The following GALNT13 variants were observed in gnomAD, a reference collection of about 807,000 sequenced individuals.
GALNT13 encodes the protein polypeptide N-acetylgalactosaminyltransferase 13.
Under a neutral mutation model 64.2 loss-of-function variants are expected in GALNT13, and 28 were observed. The ratio of observed to expected loss-of-function variants is 0.44; its 90% CI spans 0.32 to 0.60. GALNT13 has a LOEUF of 0.60. Ranked by LOEUF, GALNT13 falls within the 20% of genes least tolerant of loss-of-function variation. The pLI, the probability that GALNT13 is intolerant of heterozygous loss-of-function variation, is 0.05. For missense variants in GALNT13, 577 were observed against 669.8 expected (o/e 0.86, Z 1.53); for synonymous variants, 214 against 224.6 (o/e 0.95, Z 0.42).
At chr2:154,051,283 T>C (rs1429063354) in intron 3 of GALNT13, among the ~76,000 whole-genome samples, 2 of 142,040 alleles carry the variant, frequency 1.4e-5, no homozygotes, top group Non-Finnish European at 3.1e-5. Flanking sequence ...CTCCTTCTTT[T>C]TTTTTTTTTT....
chr2:154,095,311 T>A (rs1457559406), intron 3 of GALNT13, among the ~76,000 whole-genome samples: 2 of 151,978 alleles, frequency 1.3e-5, no homozygotes, highest in East Asian at 3.9e-4. Flanking sequence ...TTATTAGATC[T>A]GCTACTAGAT....
chr2:153,215,700 G>A, the GALNT13 span, among the ~76,000 whole-genome samples: 5 of 151,454 alleles, frequency 3.3e-5, no homozygotes, highest in Non-Finnish European at 2.9e-5. Context: ...TTCTGTTGGT[G>A]TGAATTTCTA....
chr2:153,518,089 C>T, the GALNT13 span, among the ~76,000 whole-genome samples: 5 of 152,100 alleles, frequency 3.3e-5, 1 homozygote, highest in African/African-American at 1.2e-4. Flanking sequence ...TTTTCTTCTT[C>T]CTGGATATAC....
At chr2:153,571,596 G>A in the GALNT13 span, among the ~76,000 whole-genome samples, 74 of 152,014 alleles carry the variant, frequency 4.9e-4, 1 homozygote, top group African/African-American at 1.8e-3. Flanking sequence ...GCCATATATA[G>A]CTTTTATCAT....
At chr2:153,551,052 C>CA in the GALNT13 span, among the ~76,000 whole-genome samples, 47 of 150,746 alleles carry the variant, frequency 3.1e-4, no homozygotes, top group South Asian at 8.4e-4. Flanking sequence ...AATACAAGTC[C>CA]AAAAAAAAAT....
intron 3 of GALNT13, among the ~76,000 whole-genome samples, chr2:154,040,652 CA>C: frequency 7.2e-6 from 1 of 139,742 alleles, no homozygotes; most frequent in Admixed American, 7.2e-5. Flanking sequence ...AGACAATATC[CA>C]CTATTATTTT....
At chr2:153,521,640 A>G in the GALNT13 span, among the ~76,000 whole-genome samples, 10 of 152,186 alleles carry the variant, frequency 6.6e-5, no homozygotes, top group African/African-American at 1.7e-4. Context: ...ACCCACTACT[A>G]TAGTATCATA....
chr2:153,190,279 C>T, the GALNT13 span, among the ~76,000 whole-genome samples: 4 of 152,002 alleles, frequency 2.6e-5, no homozygotes, highest in East Asian at 7.7e-4. Flanking sequence ...AAGTAGGGGC[C>T]TAGTTTCATT....
the GALNT13 span, among the ~76,000 whole-genome samples, chr2:153,737,208 A>G: frequency 1.1e-3 from 167 of 152,338 alleles, 1 homozygote; most frequent in East Asian, 0.025. Context: ...TAATAGGAAG[A>G]AAGAGAATTT....
chr2:154,355,889 T>C (rs558536906), intron 9 of GALNT13, among the ~76,000 whole-genome samples: 1 of 152,070 alleles, frequency 6.6e-6, no homozygotes, highest in Non-Finnish European at 1.5e-5. Context: ...ATTTAAATTT[T>C]CTTAGTGACA....
At chr2:153,165,958 C>T in the GALNT13 span, among the ~76,000 whole-genome samples, 2 of 152,112 alleles carry the variant, frequency 1.3e-5, no homozygotes, top group Non-Finnish European at 2.9e-5. Flanking sequence ...AAAACTAGTG[C>T]CATGATCTTA....
chr2:154,183,893 A>C (rs914525340), intron 4 of GALNT13, among the ~76,000 whole-genome samples: 1 of 151,370 alleles, frequency 6.6e-6, no homozygotes, highest in African/African-American at 2.4e-5. Context: ...TTCTTTTTCT[A>C]GTTCTTTGAA....
At chr2:153,559,060 G>C in the GALNT13 span, among the ~76,000 whole-genome samples, 2 of 152,090 alleles carry the variant, frequency 1.3e-5, no homozygotes, top group Non-Finnish European at 2.9e-5. Context: ...TTTTTTGAGA[G>C]TATATTGAAG....
intron 4 of GALNT13, among the ~76,000 whole-genome samples, chr2:154,168,672 T>TAAAAAA (rs1559001255): frequency 8.4e-6 from 1 of 119,018 alleles, no homozygotes. Context: ...ATCTCTACTA[T>TAAAAAA]TAAAAAAAAA....
the GALNT13 span, among the ~76,000 whole-genome samples, chr2:153,281,704 T>A: frequency 7.9e-5 from 12 of 152,114 alleles, no homozygotes; most frequent in African/African-American, 2.9e-4. Flanking sequence ...TCTTTAAAAA[T>A]GCGGAAAATA....
At chr2:153,108,322 T>G in the GALNT13 span, among the ~76,000 whole-genome samples, 1 of 152,278 alleles carries the variant, frequency 6.6e-6, no homozygotes, top group South Asian at 2.1e-4. Context: ...AATGCTGAAT[T>G]GTATGCTGTG....
chr2:154,154,282 A>C (rs986857401), intron 4 of GALNT13, among the ~76,000 whole-genome samples: 3 of 152,220 alleles, frequency 2.0e-5, no homozygotes, highest in African/African-American at 7.2e-5. Context: ...TGGATAACCA[A>C]GGAATGGAAA....
chr2:154,100,244 A>C (rs1273045129), intron 3 of GALNT13, among the ~76,000 whole-genome samples: 5 of 152,130 alleles, frequency 3.3e-5, no homozygotes, highest in Admixed American at 2.6e-4. Context: ...CTTCTGTGAA[A>C]AATGGCATTG....
the GALNT13 span, among the ~76,000 whole-genome samples, chr2:153,432,547 A>G: frequency 6.6e-6 from 1 of 152,164 alleles, no homozygotes; most frequent in Non-Finnish European, 1.5e-5. Context: ...CAAGTTGACA[A>G]GTGATTCAGA....
Sources: gnomAD v4.1 joint callset for allele counts (sites outside exome capture counted in the v4.1 genomes callset) on GRCh38, gnomAD v4.1.1 for gene constraint, MANE v1.5 for transcripts, NCBI Gene and HGNC (gene_info 2026-07-23, HGNC 2026-07-21) for gene names.